IL21R: variants seen among roughly 807,000 people sequenced by gnomAD.
IL21R encodes the protein interleukin-21 receptor.
In IL21R, 14 loss-of-function variants were observed where a neutral mutation model predicts 41.3. That is an observed-to-expected ratio of 0.34 (90% CI 0.22 to 0.53). The LOEUF is 0.53. Among genes scored for constraint, IL21R ranks in the 20% least tolerant of loss-of-function variants. The pLI, the probability that IL21R is intolerant of heterozygous loss-of-function variation, is 0.94. For synonymous variants in IL21R, 286 were observed against 287.6 expected, an observed-to-expected ratio of 0.99 and a Z score of 0.05; for missense variants, 588 against 681.6, an observed-to-expected ratio of 0.86 and a Z score of 1.53.
At chr16:27,444,966 A>G (rs1343766575) in intron 6 of IL21R, among the ~76,000 whole-genome samples, 1 of 152,142 alleles carries the variant, frequency 6.6e-6, no homozygotes, top group Non-Finnish European at 1.5e-5. Flanking sequence ...TTCAGACGAG[A>G]TAACTTAGGC....
chr16:27,430,697 C>T (rs1232913136), intron 2 of IL21R, among the ~76,000 whole-genome samples: 2 of 152,062 alleles, frequency 1.3e-5, no homozygotes, highest in Admixed American at 1.3e-4. Context: ...TGCTTGTAGT[C>T]TCAGCTTTTT....
At position 27,430,539 on chromosome 16, in the gene IL21R, G is replaced by A. The variant is rs539491390; in HGVS notation, c.49+419G>A. Among the ~76,000 whole-genome samples, 106 of 152,266 alleles carry A rather than the reference G, an allele frequency of 7.0e-4. 1 individual carries two copies. Among genetic ancestry groups the A allele is most frequent in the African/African-American group, 2.3e-3 (97 of 41,548 alleles). The stretch of plus-strand genomic sequence containing the variant: ...AATGTTTTTCAACAATTGCTGCACC[G>A]GGTGCGGTGGCTCCTACTGGAATCC... On this transcript the variant is annotated intron_variant, in intron 2 of 8. Coordinates refer to ENST00000337929, the MANE Select transcript of IL21R (RefSeq NM_181078.3).
chr16:27,446,670 G>A (rs2087485318), intron 8 of IL21R, among the ~76,000 whole-genome samples: 1 of 152,130 alleles, frequency 6.6e-6, no homozygotes, highest in African/African-American at 2.4e-5. Context: ...TGGGATAGGG[G>A]GTGAGGCTGG....
intron 2 of IL21R, among the ~76,000 whole-genome samples, chr16:27,430,868 G>T (rs2087158804): frequency 6.6e-6 from 1 of 152,056 alleles, no homozygotes; most frequent in Admixed American, 6.6e-5. Context: ...TAGATTCTTA[G>T]CAGGCACTGG....
At chr16:27,431,078 C>A (rs528845197) in intron 2 of IL21R, among the ~76,000 whole-genome samples, 7 of 152,090 alleles carry the variant, frequency 4.6e-5, no homozygotes, top group African/African-American at 1.4e-4. Context: ...CATGAGGAGG[C>A]GGGATCCAGC....
At chr16:27,439,392 TACACACACACTC>T (rs947643876) in intron 4 of IL21R, among the ~76,000 whole-genome samples, 1 of 150,356 alleles carries the variant, frequency 6.7e-6, no homozygotes, top group African/African-American at 2.5e-5. Context: ...ACGTACACAA[TACACACACACTC>T]ACACATATAC....
At chr16:27,418,587 G>T (rs2141269836) in intron 1 of IL21R, among the ~76,000 whole-genome samples, 1 of 152,200 alleles carries the variant, frequency 6.6e-6, no homozygotes, top group East Asian at 1.9e-4. Flanking sequence ...AGCCAGGATA[G>T]TCTTGATCAC....
At position 27,440,281 on chromosome 16, in the gene IL21R, CGAGCAA is replaced by C. The variant is rs375958609; in HGVS notation, c.352+2596_352+2601del. ...GAGAGAGAGAGAGAGAGAGAGAGAGCGAGCAAGCGCGCGCCAGGGTGTAGCTTTGTC... is the reference window on the plus strand; with the variant it reads ...GAGAGAGAGAGAGAGAGAGAGAGAGCGCGCGCGCCAGGGTGTAGCTTTGTC... On this transcript the variant is annotated intron_variant, in intron 4 of 8. Coordinates refer to ENST00000337929, the MANE Select transcript of IL21R (RefSeq NM_181078.3). 5.7e-4 allele frequency among the ~76,000 whole-genome samples: 41 copies of C among 71,770 alleles called. 1 individual carries two copies. The highest frequency in any genetic ancestry group is 1.8e-3 in the African/African-American group (34 of 18,664). 47.1% of individuals were successfully genotyped at this position (71,770 alleles called of 152,430 possible). A position where few individuals can be genotyped will look rare whatever the true frequency, so the allele number is the denominator to read the frequency against.
chr16:27,440,248 T>TATATATATAGAGAGAGAGAGAGAGAG (rs1352160946), intron 4 of IL21R, among the ~76,000 whole-genome samples: 2 of 64,044 alleles, frequency 3.1e-5, no homozygotes, highest in African/African-American at 1.8e-4. Context: ...TATATATATA[T>TATATATATAGAGAGAGAGAGAGAGAG]AGAGAGAGAG....
intron 1 of IL21R, among the ~76,000 whole-genome samples, chr16:27,418,227 G>A (rs1352640948): frequency 2.7e-5 from 4 of 150,896 alleles, no homozygotes; most frequent in Non-Finnish European, 5.9e-5. Flanking sequence ...CTGCCACTGC[G>A]CCCGGCTAAT....
At position 27,434,364 on chromosome 16, in the gene IL21R, C is replaced by T. The variant is rs760116270; in HGVS notation, c.67C>T (p.Leu23Phe). 2.0e-5 allele frequency: 32 copies of T among 1,613,682 alleles called. No individual in the cohort carries two copies. In the South Asian group the frequency reaches 3.4e-4, roughly 17 times the overall value. The change falls in exon 3 of 9, where the codon CTC becomes TTC. Residue 23 changes from leucine to phenylalanine, a missense_variant. By Grantham distance (22) the Leu-to-Phe change is conservative. Transcript: ENST00000337929. Reference protein sequence around the residue: ...LLQGGWGCPDLVCYTDYLQTV... With the variant: ...LLQGGWGCPDFVCYTDYLQTV... ...CCCTCCAGGCTGGGGCTGCCCCGAC[C>T]TCGTCTGCTACACCGATTACCTCCA...
chr16:27,403,622 C>G (rs1042675246), intron 1 of IL21R, among the ~76,000 whole-genome samples: 1 of 152,200 alleles, frequency 6.6e-6, no homozygotes, highest in Non-Finnish European at 1.5e-5. Flanking sequence ...AAGGTACCCC[C>G]ATCCTGGTGG....
chr16:27,411,741 G>A (rs1404556815), intron 1 of IL21R, among the ~76,000 whole-genome samples: 1 of 152,068 alleles, frequency 6.6e-6, no homozygotes, highest in Non-Finnish European at 1.5e-5. Flanking sequence ...TGGGATTACA[G>A]GTGTGAGCCA....
In IL21R at chr16:27,410,779, A is replaced by G. The variant is rs529047243; in HGVS notation, c.-17+8161A>G. On this transcript the variant is annotated intron_variant, in intron 1 of 8. Coordinates refer to ENST00000337929, the MANE Select transcript of IL21R (RefSeq NM_181078.3). The stretch of plus-strand genomic sequence containing the variant: ...CAAGAGATCTCTAGAACTTTTTCCT[A>G]TTGCATGGGTGAAACTCTATACCCA... Among the ~76,000 whole-genome samples the G allele has an allele frequency of 6.7e-4, 102 of 152,256 alleles. 1 individual carries two copies. Among genetic ancestry groups the G allele is most frequent in the African/African-American group, 2.4e-3 (98 of 41,556 alleles).
intron 1 of IL21R, among the ~76,000 whole-genome samples, chr16:27,425,577 G>A (rs1202883502): frequency 6.6e-6 from 1 of 150,594 alleles, no homozygotes; most frequent in East Asian, 1.9e-4. Context: ...TTGAGACAGA[G>A]TGTCTTGCTC....
chr16:27,421,315 G>A (rs2086995860), intron 1 of IL21R, among the ~76,000 whole-genome samples: 2 of 121,994 alleles, frequency 1.6e-5, no homozygotes, highest in African/African-American at 3.1e-5. Context: ...TAAATTTTAG[G>A]ACTAGTTTGT....
In IL21R at chr16:27,430,093, C is replaced by G; in HGVS notation, c.22C>G (p.Pro8Ala). The part of the protein sequence containing the change: MPRGWAA[P>A]LLLLLLQGGW... ...CAGCATGCCGCGTGGCTGGGCCGCC[C>G]CCTTGCTCCTGCTGCTGCTCCAGGG... The change falls in exon 2 of 9, where the codon CCC becomes GCC. Residue 8 changes from proline (P) to alanine (A), a missense_variant. By Grantham distance (27) the Pro-to-Ala change is conservative. Coordinates refer to ENST00000337929, the MANE Select transcript of IL21R (RefSeq NM_181078.3). The G allele has an allele frequency of 6.2e-7, 1 of 1,605,608 alleles. No individual in the cohort carries two copies. Among genetic ancestry groups the G allele is most frequent in the Non-Finnish European group, 8.5e-7 (1 of 1,179,826 alleles).
chr16:27,421,712 A>T (rs545557381), intron 1 of IL21R, among the ~76,000 whole-genome samples: 1 of 152,228 alleles, frequency 6.6e-6, no homozygotes, highest in African/African-American at 2.4e-5. Flanking sequence ...ATATTCTACA[A>T]CTAGGCTAAA....
intron 4 of IL21R, among the ~76,000 whole-genome samples, chr16:27,442,466 C>T (rs2087406167): frequency 6.6e-6 from 1 of 152,178 alleles, no homozygotes; most frequent in African/African-American, 2.4e-5. Context: ...CGGGTTCACG[C>T]CATTCTCCTG....
Sources: allele counts gnomAD v4.1 joint callset (sites outside exome capture counted in the v4.1 genomes callset), GRCh38; gene constraint gnomAD v4.1.1; transcripts MANE v1.5; gene names NCBI Gene and HGNC (gene_info 2026-07-23, HGNC 2026-07-21).